Variants in BDH2 observed in about 807,000 individuals in gnomAD.
BDH2 encodes the protein 3-hydroxybutyrate dehydrogenase 2.
BDH2 carries 24 observed loss-of-function variants against 33.2 expected under a neutral mutation model. The ratio of observed to expected loss-of-function variants is 0.72; its 90% CI spans 0.52 to 1.02. The LOEUF (loss-of-function observed/expected upper bound fraction) is 1.02, where lower values mean the gene tolerates loss of function less well. Ranked by LOEUF, BDH2 falls within the 50% of genes least tolerant of loss-of-function variation. The pLI is 0.00. For missense variants in BDH2, 249 were observed against 301.6 expected (o/e 0.83, Z 1.29); for synonymous variants, 81 against 101.6 (o/e 0.80, Z 1.22).
chr4:103,079,808 T>C, intron 9 of BDH2, 53 bp from the exon 10 acceptor site: 3 of 1,559,930 alleles, frequency 1.9e-6, no homozygotes, highest in Non-Finnish European at 2.7e-6. Context: ...TGATACAGGC[T>C]GTATTTTGAA....
At chr4:103,086,705 A>T (rs1009792937) in intron 5 of BDH2, among the ~76,000 whole-genome samples, 165 bp from the exon 6 acceptor site, 3 of 152,180 alleles carry the variant, frequency 2.0e-5, no homozygotes, top group Non-Finnish European at 4.4e-5. Context: ...TGAACCCAAA[A>T]CACCTCATCA....
intron 6 of BDH2, 123 bp downstream of exon 6, chr4:103,086,357 A>C: frequency 1.4e-6 from 2 of 1,383,606 alleles, no homozygotes; most frequent in Non-Finnish European, 1.9e-6. Flanking sequence ...ATTTTGAAAA[A>C]AGCAGTTTTG....
At chr4:103,099,412 A>C (rs921700285) in intron 1 of BDH2, 18 of 152,188 alleles carry the variant, frequency 1.2e-4, no homozygotes, top group Non-Finnish European at 2.6e-4. Flanking sequence ...TGAAATGGTA[A>C]AACAAGGCAC....
At chr4:103,085,750 A>G in intron 6 of BDH2, 1 of 1,361,364 alleles carries the variant, frequency 7.3e-7, no homozygotes, top group South Asian at 1.2e-5. Context: ...ACTCTTAGGC[A>G]GATTCCAAAA....
intron 5 of BDH2, among the ~76,000 whole-genome samples, chr4:103,088,207 G>A (rs1278609985): frequency 6.6e-6 from 1 of 152,210 alleles, no homozygotes; most frequent in African/African-American, 2.4e-5. Flanking sequence ...TGTTGGTCAA[G>A]TGTAATGGTG....
intron 9 of BDH2, 138 bp downstream of exon 9, chr4:103,081,943 G>C: frequency 1.5e-6 from 1 of 647,634 alleles, no homozygotes; most frequent in Non-Finnish European, 2.7e-6. Flanking sequence ...AATTAAATGA[G>C]AACTTATCCC....
chr4:103,085,444 A>T lies in BDH2; in HGVS notation c.437T>A (p.Val146Glu). 6.2e-7 allele frequency: 1 copy of T among 1,613,188 alleles called. No individual in the cohort carries two copies. Among genetic ancestry groups the T allele is most frequent in the Non-Finnish European group, 8.5e-7 (1 of 1,179,602 alleles). The change falls in exon 7 of 10, where the codon GTG becomes GAG. Residue 146 changes from valine to glutamate, a missense_variant. Coordinates refer to ENST00000296424, the MANE Select transcript of BDH2 (RefSeq NM_020139.4). ...CACGGCTGCCTTGGTTGTGCTGTAC[A>T]CACATCTGTTCACAACTCCTGAGGG... ...SSVKGVVNRCVYSTTKAAVIG... is the reference protein window; with the variant it reads ...SSVKGVVNRCEYSTTKAAVIG...
chr4:103,086,345 C>T (rs1747779657), intron 6 of BDH2, 135 bp downstream of exon 6: 9 of 1,362,528 alleles, frequency 6.6e-6, no homozygotes, highest in Non-Finnish European at 8.5e-6. Flanking sequence ...AACTTAATAC[C>T]AATTTTGAAA....
intron 5 of BDH2, 140 bp downstream of exon 5, chr4:103,091,037 G>T: frequency 1.8e-6 from 1 of 561,608 alleles, no homozygotes; most frequent in Non-Finnish European, 3.2e-6. Context: ...TATGTGAAAT[G>T]CCTTGATATA....
intron 6 of BDH2, chr4:103,086,155 G>T: frequency 8.9e-7 from 1 of 1,119,966 alleles, no homozygotes; most frequent in Non-Finnish European, 1.1e-6. Context: ...TATGGCCAGA[G>T]CACATACCGG....
intron 8 of BDH2, 39 bp from the exon 9 acceptor site, chr4:103,082,212 C>G: frequency 1.3e-6 from 2 of 1,549,062 alleles, no homozygotes; most frequent in Non-Finnish European, 1.8e-6. Flanking sequence ...GTGATGGAAG[C>G]AGCTGTATGT....
At chr4:103,094,993 T>A (rs1036683898) in intron 3 of BDH2, among the ~76,000 whole-genome samples, 2 of 152,248 alleles carry the variant, frequency 1.3e-5, no homozygotes, top group African/African-American at 4.8e-5. Flanking sequence ...TAAAGGATTT[T>A]AAGTATTCGT....
chr4:103,095,415 A>C (rs1236177149), intron 2 of BDH2, 134 bp from the exon 3 acceptor site: 9 of 635,646 alleles, frequency 1.4e-5, no homozygotes, highest in South Asian at 1.2e-4. Flanking sequence ...CTAGAATTTT[A>C]AACTATCTAG....
At chr4:103,096,942 C>G (rs1748439680) in intron 1 of BDH2, among the ~76,000 whole-genome samples, 1 of 152,288 alleles carries the variant, frequency 6.6e-6, no homozygotes, top group African/African-American at 2.4e-5. Context: ...TCTCCATGAC[C>G]CCTGCACACA....
At position 103,078,063 on chromosome 4, in the gene BDH2, A is replaced by G. The variant is rs115134771; in HGVS notation, c.*1639T>C. On this transcript the variant is annotated 3_prime_UTR_variant, in exon 10 of 10. Transcript: ENST00000296424. ...TTTGTTGTCCATTTCAGAATTTTCC[A>G]TGTTAATATTAAAGTTCTAGGAAAA... 0.014 allele frequency among the ~76,000 whole-genome samples: 2,160 copies of G among 152,306 alleles called. 16 individuals carry two copies. Among genetic ancestry groups the G allele is most frequent in the Middle Eastern group, 0.024 (7 of 294 alleles).
intron 3 of BDH2, among the ~76,000 whole-genome samples, chr4:103,094,184 GC>G (rs1748247834): frequency 6.6e-6 from 1 of 152,190 alleles, no homozygotes; most frequent in South Asian, 2.1e-4. Context: ...TTAGAGCTAA[GC>G]TGTCTCCAGC....
At chr4:103,085,996 C>T (rs187880357) in intron 6 of BDH2, 256 of 1,158,222 alleles carry the variant, frequency 2.2e-4, no homozygotes, top group Non-Finnish European at 8.0e-5. Flanking sequence ...TGGCTCAGAT[C>T]AACTGTCTTT....
intron 1 of BDH2, among the ~76,000 whole-genome samples, chr4:103,097,434 G>C (rs1424109313): frequency 6.6e-6 from 1 of 152,118 alleles, no homozygotes; most frequent in Non-Finnish European, 1.5e-5. Context: ...TGAGGCTGGG[G>C]GTGGAGAAGA....
chr4:103,082,007 A>C, intron 9 of BDH2, 74 bp downstream of exon 9: 1 of 1,191,048 alleles, frequency 8.4e-7, no homozygotes, highest in Admixed American at 1.8e-5. Flanking sequence ...CTCTAAAATG[A>C]TATTATTTTG....
Sources: allele counts gnomAD v4.1 joint callset (sites outside exome capture counted in the v4.1 genomes callset), GRCh38; gene constraint gnomAD v4.1.1; transcripts MANE v1.5; gene names NCBI Gene and HGNC (gene_info 2026-07-23, HGNC 2026-07-21).